Variants in NCAM2 observed in about 807,000 individuals in gnomAD.
NCAM2 encodes neural cell adhesion molecule 2.
NCAM2 carries 30 observed loss-of-function variants against 98.1 expected under a neutral mutation model. That is an observed-to-expected ratio of 0.31 (90% CI 0.23 to 0.41). The LOEUF (loss-of-function observed/expected upper bound fraction) is 0.41, where lower values mean the gene tolerates loss of function less well. Among genes scored for constraint, NCAM2 ranks in the 10% least tolerant of loss-of-function variants. The pLI, the probability that NCAM2 is intolerant of heterozygous loss-of-function variation, is 1.00. For missense variants in NCAM2, 867 were observed against 1,005.8 expected (o/e 0.86, Z 1.87); for synonymous variants, 368 against 342.4 (o/e 1.07, Z -0.83).
chr21:21,310,297 T>C (rs560164130), intron 5 of NCAM2, among the ~76,000 whole-genome samples: 2 of 152,316 alleles, frequency 1.3e-5, no homozygotes, highest in South Asian at 4.1e-4. Context: ...TATGTAGCAC[T>C]ATGAACTGAA....
intron 1 of NCAM2, among the ~76,000 whole-genome samples, chr21:21,138,953 T>G (rs903159877): frequency 6.6e-6 from 1 of 152,202 alleles, no homozygotes. Flanking sequence ...ATAATAGTTA[T>G]ATAATGCAGT....
Position 21,003,418 on chromosome 21 carries a change from C to G in NCAM2, c.55+4800C>G, listed in dbSNP as rs561395477. 2.6e-5 allele frequency among the ~76,000 whole-genome samples: 4 copies of G among 152,194 alleles called. No homozygotes were observed. In the East Asian group the frequency reaches 7.7e-4, roughly 29 times the overall value. On this transcript the variant is annotated intron_variant, in intron 1 of 17. Coordinates refer to ENST00000400546, the MANE Select transcript of NCAM2 (RefSeq NM_004540.5). ...TTCATTGGATTTGGAGTCAGAAGACCTAGGCTACTAAGAGTCTCTTAACCT... is the reference window on the plus strand; with the variant it reads ...TTCATTGGATTTGGAGTCAGAAGACGTAGGCTACTAAGAGTCTCTTAACCT...
At chr21:21,253,869 AATTACTAGTGATTTATATGCTCAG>A (rs1347050799) in intron 1 of NCAM2, among the ~76,000 whole-genome samples, 1 of 152,180 alleles carries the variant, frequency 6.6e-6, no homozygotes. Context: ...TCAGACACAG[AATTACTAGTGATTTATATGCTCAG>A]GCTTTTGGCA....
chr21:21,253,994 A>T (rs1315046470), intron 1 of NCAM2, among the ~76,000 whole-genome samples: 1 of 152,226 alleles, frequency 6.6e-6, no homozygotes, highest in Non-Finnish European at 1.5e-5. Context: ...CCTATGGAGG[A>T]TGCCCAATTT....
chr21:21,110,499 C>T (rs113212965), intron 1 of NCAM2, among the ~76,000 whole-genome samples: 86 of 151,914 alleles, frequency 5.7e-4, no homozygotes, highest in African/African-American at 2.0e-3. Flanking sequence ...GGGGACTCTA[C>T]ATATAAAGAT....
chr21:21,206,637 G>A (rs544806446), intron 1 of NCAM2, among the ~76,000 whole-genome samples: 3 of 152,054 alleles, frequency 2.0e-5, no homozygotes, highest in Non-Finnish European at 2.9e-5. Context: ...GGTTACAGGT[G>A]TTGTTATATG....
chr21:21,454,330 C>T (rs1250232859), intron 12 of NCAM2, among the ~76,000 whole-genome samples: 1 of 151,916 alleles, frequency 6.6e-6, no homozygotes, highest in African/African-American at 2.4e-5. Context: ...TTTATTCTGC[C>T]AACTGATCTA....
intron 1 of NCAM2, among the ~76,000 whole-genome samples, chr21:21,014,191 C>A (rs532038915): frequency 1.3e-5 from 2 of 151,954 alleles, no homozygotes; most frequent in Admixed American, 1.3e-4. Flanking sequence ...TTTGGGAGGC[C>A]GAGGAAGGCA....
intron 1 of NCAM2, among the ~76,000 whole-genome samples, chr21:21,037,668 C>G (rs2064825424): frequency 6.6e-6 from 1 of 152,070 alleles, no homozygotes; most frequent in South Asian, 2.1e-4. Flanking sequence ...TACCATAAAC[C>G]AAAGCATAAA....
intron 9 of NCAM2, among the ~76,000 whole-genome samples, chr21:21,398,491 A>G (rs1205162608): frequency 1.3e-5 from 2 of 152,236 alleles, no homozygotes; most frequent in African/African-American, 4.8e-5. Context: ...CGAAAGCACA[A>G]AAGAGTTCGG....
rs914530897 is a variant in NCAM2, at chr21:21,058,630, G to C, written c.55+60012G>C. 2.0e-5 allele frequency among the ~76,000 whole-genome samples: 3 copies of C among 149,872 alleles called. No individual in the cohort carries two copies. In the Admixed American group the frequency reaches 2.0e-4, roughly 10 times the overall value. ...TTTGTTTTGTCAGCCATGGATTCAG[G>C]TGTTTGTGGAAGCAGACTTGCATTA... is the stretch of plus-strand genomic sequence containing the variant. On this transcript the variant is annotated intron_variant, in intron 1 of 17. Coordinates refer to ENST00000400546, the MANE Select transcript of NCAM2 (RefSeq NM_004540.5).
chr21:21,372,412 TCTTA>T (rs1310454764), intron 8 of NCAM2, among the ~76,000 whole-genome samples: 10 of 151,768 alleles, frequency 6.6e-5, no homozygotes, highest in African/African-American at 1.9e-4. Flanking sequence ...TTTCTAATCA[TCTTA>T]CTTAATTCAG....
At position 21,508,847 on chromosome 21, in the gene NCAM2, T is replaced by TTTTTTA; in HGVS notation, c.2078-4_2078-3insTTTTTA. ...TTTTTTTTTTTTTTTTTTTACTTTT[T>TTTTTTA]AAGACACGCTGTTTAATGGTCTTGG... On this transcript the variant is annotated splice_polypyrimidine_tract_variant and splice_region_variant and intron_variant, in intron 15 of 17. Transcript: ENST00000400546. 1 of 987,250 alleles carries TTTTTTA rather than the reference T, an allele frequency of 1.0e-6. No homozygotes were observed. The highest frequency in any genetic ancestry group is 1.5e-6 in the Non-Finnish European group (1 of 683,430). 61.2% of individuals were successfully genotyped at this position (987,250 alleles called of 1,614,324 possible). A position where few individuals can be genotyped will look rare whatever the true frequency, so the allele number is the denominator to read the frequency against.
chr21:21,265,262 TAC>T (rs1160456559), intron 1 of NCAM2, among the ~76,000 whole-genome samples: 3 of 129,428 alleles, frequency 2.3e-5, no homozygotes, highest in East Asian at 4.5e-4. Flanking sequence ...TATACGTATA[TAC>T]ACACATATAT....
chr21:21,211,276 A>G (rs2069651728), intron 1 of NCAM2, among the ~76,000 whole-genome samples: 1 of 152,118 alleles, frequency 6.6e-6, no homozygotes, highest in Non-Finnish European at 1.5e-5. Flanking sequence ...CTTCCAGCAA[A>G]TTATTTTTAC....
chr21:21,194,775 A>G (rs563441287), intron 1 of NCAM2, among the ~76,000 whole-genome samples: 11 of 152,324 alleles, frequency 7.2e-5, no homozygotes, highest in Admixed American at 1.3e-4. Context: ...GTGATTTGAT[A>G]TATGTATACA....
intron 1 of NCAM2, among the ~76,000 whole-genome samples, chr21:21,238,197 T>A (rs2070917990): frequency 6.6e-6 from 1 of 152,154 alleles, no homozygotes; most frequent in Admixed American, 6.5e-5. Flanking sequence ...CCTCAGGTGA[T>A]ACGCCCATCT....
chr21:21,455,488 A>G (rs1982005314), intron 12 of NCAM2, among the ~76,000 whole-genome samples: 1 of 151,980 alleles, frequency 6.6e-6, no homozygotes, highest in Non-Finnish European at 1.5e-5. Context: ...TGCTCATAAG[A>G]AAATAAATTA....
At chr21:21,307,493 A>G (rs951657913) in intron 5 of NCAM2, among the ~76,000 whole-genome samples, 2 of 152,190 alleles carry the variant, frequency 1.3e-5, no homozygotes, top group Non-Finnish European at 2.9e-5. Context: ...TCAGAAGTCC[A>G]CATAGGCTCT....
Sources: gnomAD v4.1 joint callset for allele counts (sites outside exome capture counted in the v4.1 genomes callset) on GRCh38, gnomAD v4.1.1 for gene constraint, MANE v1.5 for transcripts, NCBI Gene and HGNC (gene_info 2026-07-23, HGNC 2026-07-21) for gene names.